The following PCDHGA7 variants were observed in gnomAD, a reference collection of about 807,000 sequenced individuals.
The protein encoded by PCDHGA7 is protocadherin gamma-A7.
In PCDHGA7, 44 loss-of-function variants were observed where a neutral mutation model predicts 58.3. The ratio of observed to expected loss-of-function variants is 0.75; its 90% CI spans 0.59 to 0.97. PCDHGA7 has a LOEUF of 0.97. Among genes scored for constraint, PCDHGA7 ranks in the 50% least tolerant of loss-of-function variants. PCDHGA7 has a pLI of 0.00. For synonymous variants in PCDHGA7, 516 were observed against 504.2 expected (o/e 1.02, Z -0.31); for missense variants, 1,266 against 1,188.7 (o/e 1.06, Z -0.96).
At chr5:141,472,176 G>C (rs1416695177) in intron 1 of PCDHGA7, among the ~76,000 whole-genome samples, 3 of 152,144 alleles carry the variant, frequency 2.0e-5, no homozygotes, top group Non-Finnish European at 2.9e-5. Context: ...GTAATATCCA[G>C]TATTGGAATT....
intron 1 of PCDHGA7, chr5:141,399,330 A>G: frequency 6.2e-7 from 1 of 1,613,994 alleles, no homozygotes; most frequent in South Asian, 1.1e-5. Flanking sequence ...ATAAGTTGGT[A>G]ACAGATGGAA....
rs777288812 is a variant in PCDHGA7 at position 141,487,236 on chromosome 5, G to A, written c.2425-7571G>A. The A allele has an allele frequency of 1.7e-5, 28 of 1,613,962 alleles. No homozygotes were observed. The highest frequency in any genetic ancestry group is 1.4e-4 in the South Asian group (13 of 91,070). On this transcript the variant is annotated intron_variant, in intron 1 of 3. Coordinates refer to ENST00000518325, the MANE Select transcript of PCDHGA7 (RefSeq NM_018920.4). This position sits in a 1 kb window ranked among gnomAD's most constrained non-coding sequence, Gnocchi z 5.0. ...TCAGCTCCAAGGGAAGGAGAATCTC[G>A]TCTAACCCTCTACTTGGCTGTGTCC... is the stretch of plus-strand genomic sequence containing the variant.
At chr5:141,403,699 TAA>T in intron 1 of PCDHGA7, 1 of 1,613,934 alleles carries the variant, frequency 6.2e-7, no homozygotes, top group East Asian at 2.2e-5. Context: ...TTTACCGAGT[TAA>T]AGTCCTTGAG....
chr5:141,389,405 G>A (rs758428464), intron 1 of PCDHGA7: 16 of 1,613,614 alleles, frequency 9.9e-6, no homozygotes. Flanking sequence ...CCATAAGCGC[G>A]GAGAGCGGGG....
Position 141,489,601 on chromosome 5 carries a change from G to A in PCDHGA7, c.2425-5206G>A. On this transcript the variant is annotated intron_variant, in intron 1 of 3. Transcript: ENST00000518325. This position sits in a 1 kb window ranked among gnomAD's most constrained non-coding sequence, Gnocchi z 4.5. ...CCCCCTGGAGCTAATCCGTGTAGAG[G>A]TAGAGATCCTGGATCTCAATGACAA... 2 of 1,614,042 alleles carry A rather than the reference G, an allele frequency of 1.2e-6. No individual in the cohort carries two copies. Among genetic ancestry groups the A allele is most frequent in the East Asian group, 4.5e-5 (2 of 44,882 alleles).
At chr5:141,414,502 A>G in intron 1 of PCDHGA7, 1 of 1,613,944 alleles carries the variant, frequency 6.2e-7, no homozygotes, top group South Asian at 1.1e-5. Flanking sequence ...AGCTCACTTT[A>G]TGCTACAAGT....
Position 141,399,560 on chromosome 5 carries a change from G to A in PCDHGA7, c.2424+14237G>A, listed in dbSNP as rs1354621756. The A allele has an allele frequency of 6.8e-6, 11 of 1,613,906 alleles. No homozygotes were observed. The Admixed American group carries it at 1.3e-4, about 20-fold the overall frequency. ...GTCTGCGCCTCGGACCTGGACTTGG[G>A]GTTGAACGGCCAAGTCTCCTACTCT... is the stretch of plus-strand genomic sequence containing the variant. On this transcript the variant is annotated intron_variant, in intron 1 of 3. Coordinates refer to ENST00000518325, the MANE Select transcript of PCDHGA7 (RefSeq NM_018920.4).
intron 1 of PCDHGA7, chr5:141,399,170 T>C (rs1159402714): frequency 6.2e-7 from 1 of 1,613,798 alleles, no homozygotes. Flanking sequence ...TTCCATTCTC[T>C]ACTTGAAATG....
At position 141,414,719 on chromosome 5, in the gene PCDHGA7, C is replaced by T. The variant is rs1361757630; in HGVS notation, c.2424+29396C>T. On this transcript the variant is annotated intron_variant, in intron 1 of 3. Transcript: ENST00000518325. ...TCATACATATCCATCAACTCAGACA[C>T]TGGCGTCCTGTATGCACTCAGATCC... The T allele has an allele frequency of 1.2e-6, 2 of 1,614,050 alleles. No individual in the cohort carries two copies. Among genetic ancestry groups the T allele is most frequent in the African/African-American group, 1.3e-5 (1 of 74,934 alleles).
intron 1 of PCDHGA7, chr5:141,421,501 G>T: frequency 6.2e-7 from 1 of 1,614,094 alleles, no homozygotes; most frequent in Non-Finnish European, 8.5e-7. Context: ...AGGCAGGATA[G>T]ACCGGGAGGA....
intron 2 of PCDHGA7, among the ~76,000 whole-genome samples, chr5:141,495,262 A>G (rs550950979): frequency 1.3e-5 from 2 of 152,246 alleles, no homozygotes; most frequent in South Asian, 2.1e-4. Flanking sequence ...GCAGAAAAGC[A>G]TTTGACCGGA....
At chr5:141,453,964 C>T (rs2098778500) in intron 1 of PCDHGA7, among the ~76,000 whole-genome samples, 1 of 152,296 alleles carries the variant, frequency 6.6e-6, no homozygotes, top group Non-Finnish European at 1.5e-5. Context: ...GACAGCAAAG[C>T]ATGTAGTTGT....
intron 1 of PCDHGA7, among the ~76,000 whole-genome samples, chr5:141,466,735 T>C (rs2099128254): frequency 6.6e-6 from 1 of 152,224 alleles, no homozygotes; most frequent in South Asian, 2.1e-4. Context: ...GCAGAATTCA[T>C]GTTACTCTGA....
chr5:141,434,889 A>C (rs1213631251), intron 1 of PCDHGA7, among the ~76,000 whole-genome samples: 2 of 151,512 alleles, frequency 1.3e-5, no homozygotes, highest in African/African-American at 4.8e-5. Context: ...ACAACAATCC[A>C]GTCCCCTTCC....
At chr5:141,414,679 G>A in intron 1 of PCDHGA7, 1 of 1,613,960 alleles carries the variant, frequency 6.2e-7, no homozygotes. Flanking sequence ...CACCATCCAG[G>A]GGGTACCTCT....
intron 1 of PCDHGA7, chr5:141,427,786 C>G: frequency 1.4e-6 from 2 of 1,477,082 alleles, no homozygotes; most frequent in Non-Finnish European, 1.9e-6. Flanking sequence ...GCACTGTCGT[C>G]CTACGTGTCC....
chr5:141,419,656 G>C lies in PCDHGA7; in HGVS notation c.2424+34333G>C. The C allele has an allele frequency of 1.9e-6, 3 of 1,612,648 alleles. No homozygotes were observed. The East Asian group carries it at 6.7e-5, about 36-fold the overall frequency. ...TGGTGGCCGTGGACGCGGACTCGGGGCACAATGCCTGGCTGTCCTACCACG... is the reference window on the plus strand; with the variant it reads ...TGGTGGCCGTGGACGCGGACTCGGGCCACAATGCCTGGCTGTCCTACCACG... On this transcript the variant is annotated intron_variant, in intron 1 of 3. Transcript: ENST00000518325.
chr5:141,494,925 G>T (rs936071950), intron 2 of PCDHGA7, 60 bp downstream of exon 2: 1 of 1,613,316 alleles, frequency 6.2e-7, no homozygotes. Flanking sequence ...GGGATGACGT[G>T]GGAGGAGATG....
intron 1 of PCDHGA7, among the ~76,000 whole-genome samples, chr5:141,480,753 G>A (rs1418880497): frequency 1.3e-5 from 2 of 152,144 alleles, no homozygotes; most frequent in Non-Finnish European, 2.9e-5. Flanking sequence ...ATCATTTTTT[G>A]AAGGTCCCCA....
Sources: allele counts gnomAD v4.1 joint callset (sites outside exome capture counted in the v4.1 genomes callset), GRCh38; gene constraint gnomAD v4.1.1; non-coding constraint Gnocchi (gnomAD v3.1); transcripts MANE v1.5; gene names NCBI Gene and HGNC (gene_info 2026-07-23, HGNC 2026-07-21).